The following KDM4C variants were observed in gnomAD, a reference collection of about 807,000 sequenced individuals.
KDM4C encodes lysine-specific demethylase 4C.
Under a neutral mutation model 129.3 loss-of-function variants are expected in KDM4C, and 81 were observed. That is an observed-to-expected ratio of 0.63 (90% CI 0.52 to 0.75). KDM4C has a LOEUF of 0.75. Ranked by LOEUF, KDM4C falls within the 30% of genes least tolerant of loss-of-function variation. The pLI is 0.00. For missense variants in KDM4C, 1,457 were observed against 1,304.0 expected, an observed-to-expected ratio of 1.12 and a Z score of -1.81; for synonymous variants, 573 against 456.1, an observed-to-expected ratio of 1.26 and a Z score of -3.26.
rs749170137 is a variant in KDM4C, at chr9:6,793,117, T to G, written c.129T>G (p.Arg43=). 1.2e-6 allele frequency: 2 copies of G among 1,613,964 alleles called. No homozygotes were observed. Residue 43 remains arginine, a synonymous_variant, in exon 2 of 22, where the codon CGT becomes CGG. Coordinates refer to ENST00000381309, the MANE Select transcript of KDM4C (RefSeq NM_015061.6). The part of the protein sequence containing the change: ...LAYMESKGAH[R]AGLAKVIPPK... ...ACATGGAGTCTAAAGGAGCCCATCGTGCGGGTCTTGCAAAGGTGATTATCC... is the reference window on the plus strand; with the variant it reads ...ACATGGAGTCTAAAGGAGCCCATCGGGCGGGTCTTGCAAAGGTGATTATCC...
intron 17 of KDM4C, among the ~76,000 whole-genome samples, chr9:7,094,856 G>A (rs1445830713): frequency 6.6e-6 from 1 of 152,128 alleles, no homozygotes; most frequent in Non-Finnish European, 1.5e-5. Flanking sequence ...GAGGCAAAGA[G>A]GTTGTGGCAG....
In KDM4C at chr9:6,720,888, T is replaced by G. The variant is rs537583628; in HGVS notation, c.-61T>G. On this transcript the variant is annotated 5_prime_UTR_variant, in exon 1 of 18. Coordinates refer to the KDM4C transcript ENST00000536108. ...ATGGCTGACATGATGGTCTGTGACC[T>G]GAAAGTTGTTGAATAGTTGGAGTGT... is the stretch of plus-strand genomic sequence containing the variant. 6 of 1,448,962 alleles carry G rather than the reference T, an allele frequency of 4.1e-6. No individual in the cohort carries two copies. The South Asian group carries it at 7.3e-5, about 18-fold the overall frequency. 89.8% of individuals were successfully genotyped at this position (1,448,962 alleles called of 1,614,324 possible).
intron 19 of KDM4C, among the ~76,000 whole-genome samples, chr9:7,134,076 C>A (rs12341013): frequency 3.9e-5 from 6 of 152,018 alleles, no homozygotes; most frequent in Non-Finnish European, 7.4e-5. Context: ...CCCTCTCCCC[C>A]TCCCTGCCAG....
chr9:6,801,231 G>T (rs1828888135), intron 2 of KDM4C, among the ~76,000 whole-genome samples: 1 of 139,808 alleles, frequency 7.2e-6, no homozygotes, highest in Non-Finnish European at 1.5e-5. Context: ...ATGTCCTTGA[G>T]TAGGGAAATT....
At chr9:6,880,429 A>G (rs972918337) in intron 6 of KDM4C, among the ~76,000 whole-genome samples, 1 of 151,970 alleles carries the variant, frequency 6.6e-6, no homozygotes, top group Non-Finnish European at 1.5e-5. Flanking sequence ...TCCAGACGGT[A>G]TTGTTGCTGC....
chr9:6,860,715 A>G (rs1185992688), intron 5 of KDM4C, among the ~76,000 whole-genome samples: 1 of 152,234 alleles, frequency 6.6e-6, no homozygotes, highest in Admixed American at 6.5e-5. Flanking sequence ...TTAGTCTTGC[A>G]GTAGTACAGA....
intron 1 of KDM4C, among the ~76,000 whole-genome samples, chr9:6,733,707 T>G (rs940365859): frequency 6.6e-6 from 1 of 152,162 alleles, no homozygotes; most frequent in African/African-American, 2.4e-5. Flanking sequence ...AGCAAGTTTG[T>G]TAAGAAAGTA....
At chr9:6,743,173 GC>G (rs1175494743) in intron 1 of KDM4C, among the ~76,000 whole-genome samples, 1 of 152,146 alleles carries the variant, frequency 6.6e-6, no homozygotes, top group Non-Finnish European at 1.5e-5. Flanking sequence ...CAATACAGCT[GC>G]TAGGTAATCA....
At chr9:6,886,101 G>C (rs978343789) in intron 6 of KDM4C, among the ~76,000 whole-genome samples, 2 of 152,172 alleles carry the variant, frequency 1.3e-5, no homozygotes, top group Non-Finnish European at 2.9e-5. Context: ...TTGTGCATTT[G>C]GGGACTGCCC....
At chr9:7,102,611 T>G (rs1300239880) in intron 17 of KDM4C, among the ~76,000 whole-genome samples, 2 of 152,188 alleles carry the variant, frequency 1.3e-5, no homozygotes, top group African/African-American at 2.4e-5. Context: ...ACCGATCAGA[T>G]GTGAGGACAC....
chr9:6,852,511 A>G (rs1178039393), intron 5 of KDM4C, among the ~76,000 whole-genome samples: 1 of 152,140 alleles, frequency 6.6e-6, no homozygotes, highest in Non-Finnish European at 1.5e-5. Context: ...AAACGAGAGG[A>G]TGAAGGGCTG....
intron 5 of KDM4C, among the ~76,000 whole-genome samples, chr9:6,878,985 C>CA (rs1347508220): frequency 6.6e-6 from 1 of 152,210 alleles, no homozygotes; most frequent in Non-Finnish European, 1.5e-5. Flanking sequence ...CCTTAAGCAA[C>CA]AGGATATATG....
chr9:6,935,576 C>A (rs1824624498), intron 8 of KDM4C, among the ~76,000 whole-genome samples: 1 of 144,954 alleles, frequency 6.9e-6, no homozygotes, highest in African/African-American at 2.5e-5. Context: ...CGCCACCACG[C>A]CCGGCTAATT....
intron 5 of KDM4C, among the ~76,000 whole-genome samples, chr9:6,869,222 T>A (rs1842501168): frequency 6.6e-6 from 1 of 152,226 alleles, no homozygotes; most frequent in Non-Finnish European, 1.5e-5. Flanking sequence ...CTAGGGTTTC[T>A]GGTTTTCATC....
chr9:6,859,211 T>C (rs1398070514), intron 5 of KDM4C, among the ~76,000 whole-genome samples: 2 of 152,088 alleles, frequency 1.3e-5, no homozygotes, highest in Admixed American at 1.3e-4. Flanking sequence ...GGTACGGTGG[T>C]TCATGCCTAT....
chr9:6,912,938 G>T (rs545547312), intron 8 of KDM4C, among the ~76,000 whole-genome samples: 19 of 151,702 alleles, frequency 1.3e-4, no homozygotes, highest in African/African-American at 4.1e-4. Flanking sequence ...GGAGTTTTTC[G>T]TATGGTACCT....
chr9:6,938,322 G>A (rs1435116883), intron 8 of KDM4C, among the ~76,000 whole-genome samples: 1 of 152,070 alleles, frequency 6.6e-6, no homozygotes, highest in Non-Finnish European at 1.5e-5. Flanking sequence ...CATTTCCAGG[G>A]GATGGCTCAT....
intron 1 of KDM4C, among the ~76,000 whole-genome samples, chr9:6,792,127 G>T (rs368373972): frequency 6.6e-6 from 1 of 152,076 alleles, no homozygotes; most frequent in Non-Finnish European, 1.5e-5. Context: ...GATTGGCTGA[G>T]GTCAGGAGTT....
chr9:6,919,590 TCTAG>T (rs1821095758), intron 8 of KDM4C, among the ~76,000 whole-genome samples: 1 of 150,064 alleles, frequency 6.7e-6, no homozygotes, highest in Admixed American at 6.7e-5. Context: ...TATCTATCTA[TCTAG>T]GATGGAGTTT....
Sources: allele counts gnomAD v4.1 joint callset (sites outside exome capture counted in the v4.1 genomes callset), GRCh38; gene constraint gnomAD v4.1.1; transcripts MANE v1.5; gene names NCBI Gene and HGNC (gene_info 2026-07-23, HGNC 2026-07-21).